The following FBXL17 variants were observed in gnomAD, a reference collection of about 807,000 sequenced individuals.
FBXL17 encodes F-box and leucine rich repeat protein 17, also known as F-box/LRR-repeat protein 17.
FBXL17 carries 22 observed loss-of-function variants against 66.2 expected under a neutral mutation model. That is an observed-to-expected ratio of 0.33 (90% CI 0.24 to 0.47). The LOEUF is 0.47. Ranked by LOEUF, FBXL17 falls within the 20% of genes least tolerant of loss-of-function variation. The pLI is 1.00. For missense variants in FBXL17, 878 were observed against 948.2 expected, an observed-to-expected ratio of 0.93 and a Z score of 0.97; for synonymous variants, 474 against 400.5, an observed-to-expected ratio of 1.18 and a Z score of -2.19.
At chr5:108,312,846 C>T (rs536642188) in intron 4 of FBXL17, among the ~76,000 whole-genome samples, 1 of 152,168 alleles carries the variant, frequency 6.6e-6, no homozygotes, top group East Asian at 1.9e-4. Flanking sequence ...TCTAAGTTAT[C>T]AGCATAATCA....
intron 7 of FBXL17, among the ~76,000 whole-genome samples, chr5:107,931,301 C>T (rs992894019): frequency 1.3e-5 from 2 of 149,364 alleles, no homozygotes; most frequent in African/African-American, 4.9e-5. Context: ...CTGTCATTGC[C>T]CAGGCTGGAG....
At chr5:108,130,472 T>C (rs922197476) in intron 6 of FBXL17, among the ~76,000 whole-genome samples, 2 of 151,970 alleles carry the variant, frequency 1.3e-5, no homozygotes, top group African/African-American at 4.8e-5. Context: ...GGGGCTGTTA[T>C]TATATACAAT....
Position 108,292,126 on chromosome 5 carries a change from CT to C in FBXL17, c.1506+56272del, listed in dbSNP as rs34902962. ...AATTGTTAACATAGCAACGAAAAAGCTTTTTTTTTTTTTGGAGACAGTTTCG... is the reference window on the plus strand; with the variant it reads ...AATTGTTAACATAGCAACGAAAAAGCTTTTTTTTTTTTGGAGACAGTTTCG... On this transcript the variant is annotated intron_variant, in intron 4 of 8. Transcript: ENST00000542267. 4.6e-3 allele frequency among the ~76,000 whole-genome samples: 666 copies of C among 143,248 alleles called. 1 individual carries two copies. Among genetic ancestry groups the C allele is most frequent in the African/African-American group, 8.5e-3 (332 of 39,184 alleles). 94.0% of individuals were successfully genotyped at this position (143,248 alleles called of 152,430 possible). A position where few individuals can be genotyped will look rare whatever the true frequency, so the allele number is the denominator to read the frequency against.
At position 108,092,404 on chromosome 5, in the gene FBXL17, G is replaced by A. The variant is rs117653060; in HGVS notation, c.1746-71403C>T. Among the ~76,000 whole-genome samples the A allele has an allele frequency of 7.9e-4, 120 of 152,224 alleles. 5 individuals carry two copies. In the East Asian group the frequency reaches 0.017, roughly 21 times the overall value. ...TCACAGCCTGGACTTCCTGGGCTCAGATGATTCTCAGCCTCCCGAGTAGGA... is the reference window on the plus strand; with the variant it reads ...TCACAGCCTGGACTTCCTGGGCTCAAATGATTCTCAGCCTCCCGAGTAGGA... On this transcript the variant is annotated intron_variant, in intron 6 of 8. Coordinates refer to ENST00000542267, the MANE Select transcript of FBXL17 (RefSeq NM_001163315.3).
intron 7 of FBXL17, among the ~76,000 whole-genome samples, chr5:108,009,263 ATATATATATATATATAT>A (rs1561365187): frequency 0.089 from 3,226 of 36,430 alleles, 1,019 homozygotes; most frequent in African/African-American, 0.38. Flanking sequence ...TCCCTGTTTT[ATATATATATATATATAT>A]ATATATATAT....
At chr5:108,052,128 A>AAG (rs1747504996) in intron 6 of FBXL17, among the ~76,000 whole-genome samples, 1 of 46,272 alleles carries the variant, frequency 2.2e-5, no homozygotes, top group Non-Finnish European at 4.6e-5. Context: ...AAAAAAAAAA[A>AAG]AAAAAAGAAA....
chr5:107,916,951 C>T (rs764185339), intron 7 of FBXL17, among the ~76,000 whole-genome samples: 2 of 152,154 alleles, frequency 1.3e-5, no homozygotes, highest in African/African-American at 2.4e-5. Flanking sequence ...AAAGGTGTAT[C>T]GCTAAGACAT....
chr5:108,364,066 T>C (rs1262434600), intron 3 of FBXL17, among the ~76,000 whole-genome samples: 1 of 152,110 alleles, frequency 6.6e-6, no homozygotes, highest in African/African-American at 2.4e-5. Flanking sequence ...ATATATAAGT[T>C]GTACTGACAC....
At chr5:108,354,182 A>G (rs1747813739) in intron 3 of FBXL17, among the ~76,000 whole-genome samples, 1 of 152,176 alleles carries the variant, frequency 6.6e-6, no homozygotes, top group African/African-American at 2.4e-5. Context: ...TGAAAAATTA[A>G]AAGGCATACC....
intron 4 of FBXL17, among the ~76,000 whole-genome samples, chr5:108,293,256 A>G (rs1416270064): frequency 1.3e-5 from 2 of 152,182 alleles, no homozygotes; most frequent in African/African-American, 4.8e-5. Context: ...AAAGTGAAAT[A>G]TTGTAATACT....
At chr5:108,293,098 C>CAAAAAAAAAAAA (rs1390083749) in intron 4 of FBXL17, among the ~76,000 whole-genome samples, 1 of 92,556 alleles carries the variant, frequency 1.1e-5, no homozygotes, top group Non-Finnish European at 2.4e-5. Flanking sequence ...AAAAAAAAAA[C>CAAAAAAAAAAAA]AAAAAAAAAA....
intron 4 of FBXL17, among the ~76,000 whole-genome samples, chr5:108,306,076 C>T (rs866064088): frequency 2.0e-5 from 3 of 151,952 alleles, no homozygotes; most frequent in Non-Finnish European, 4.4e-5. Flanking sequence ...TTATCCACAC[C>T]TGTTTACATA....
chr5:108,377,130 C>T (rs1172411106), intron 1 of FBXL17, among the ~76,000 whole-genome samples: 1 of 152,164 alleles, frequency 6.6e-6, no homozygotes, highest in African/African-American at 2.4e-5. Flanking sequence ...CAGCTTGAGC[C>T]TGCTCTTTAA....
At chr5:108,155,052 G>C (rs1254457470) in intron 6 of FBXL17, among the ~76,000 whole-genome samples, 1 of 152,030 alleles carries the variant, frequency 6.6e-6, no homozygotes, top group African/African-American at 2.4e-5. Context: ...ATGATAAGCT[G>C]ATCAAATCTT....
At chr5:108,116,976 G>T (rs933032218) in intron 6 of FBXL17, among the ~76,000 whole-genome samples, 1 of 152,106 alleles carries the variant, frequency 6.6e-6, no homozygotes, top group Non-Finnish European at 1.5e-5. Flanking sequence ...TAGGGCTGTG[G>T]ATATTTCATT....
At chr5:108,076,821 T>C (rs1748569221) in intron 6 of FBXL17, among the ~76,000 whole-genome samples, 1 of 152,184 alleles carries the variant, frequency 6.6e-6, no homozygotes. Context: ...AGGCTTCATC[T>C]ACATAATGAA....
chr5:108,298,209 GC>G, intron 4 of FBXL17: 3 of 979,898 alleles, frequency 3.1e-6, no homozygotes, highest in Non-Finnish European at 3.6e-6. Context: ...GATATACAAT[GC>G]CCCAACAATA....
At chr5:108,013,548 G>A (rs1325545729) in intron 7 of FBXL17, among the ~76,000 whole-genome samples, 2 of 152,072 alleles carry the variant, frequency 1.3e-5, no homozygotes, top group Non-Finnish European at 2.9e-5. Flanking sequence ...AGTCTATGAT[G>A]ATTCTGTCCT....
intron 6 of FBXL17, among the ~76,000 whole-genome samples, chr5:108,110,301 G>A (rs909149896): frequency 7.2e-5 from 11 of 152,118 alleles, no homozygotes; most frequent in Non-Finnish European, 1.2e-4. Context: ...CAGTAATATA[G>A]TCTATTTATT....
Sources: gnomAD v4.1 joint callset for allele counts (sites outside exome capture counted in the v4.1 genomes callset) on GRCh38, gnomAD v4.1.1 for gene constraint, MANE v1.5 for transcripts, NCBI Gene and HGNC (gene_info 2026-07-23, HGNC 2026-07-21) for gene names.